The following STAG3 variants were observed in gnomAD, a reference collection of about 807,000 sequenced individuals.
STAG3 encodes STAG3 cohesin complex component.
A neutral mutation model predicts 160.7 loss-of-function variants in STAG3; 101 were observed. The observed-to-expected ratio is 0.63, with a 90% CI of 0.54 to 0.74. The LOEUF (loss-of-function observed/expected upper bound fraction) is 0.74, where lower values mean the gene tolerates loss of function less well. Ranked by LOEUF, STAG3 falls within the 30% of genes least tolerant of loss-of-function variation. The pLI, the probability that STAG3 is intolerant of heterozygous loss-of-function variation, is 0.00. For synonymous variants in STAG3, 519 were observed against 585.0 expected (o/e 0.89, Z 1.63); for missense variants, 1,188 against 1,517.4 (o/e 0.78, Z 3.61).
chr7:100,180,792 G>A (rs775591953), intron 2 of STAG3, 120 bp downstream of exon 2: 24 of 675,736 alleles, frequency 3.6e-5, no homozygotes, highest in Non-Finnish European at 5.4e-5. Flanking sequence ...TGCTATACTC[G>A]TTCAGCACAG....
chr7:100,196,215 C>G (rs1185632308), intron 9 of STAG3, among the ~76,000 whole-genome samples: 1 of 152,128 alleles, frequency 6.6e-6, no homozygotes, highest in Non-Finnish European at 1.5e-5. Flanking sequence ...AGCCTTTCAG[C>G]TGATGTAACC....
At position 100,204,017 on chromosome 7, in the gene STAG3, T is replaced by G; in HGVS notation, c.2701-4T>G. The stretch of plus-strand genomic sequence containing the variant: ...ACATTACCTTCCCCACTCTTTCCCC[T>G]CAGTTCTACAATGACTATGGTGACA... On this transcript the variant is annotated splice_region_variant and splice_polypyrimidine_tract_variant and intron_variant, in intron 25 of 33. Transcript: ENST00000615138. The G allele has an allele frequency of 6.2e-7, 1 of 1,605,150 alleles. No individual in the cohort carries two copies.
Position 100,211,950 on chromosome 7 carries a change from CCT to C in STAG3, c.3600+80_3600+81del, listed in dbSNP as rs974984628. ...GCCAAAGAGAAGCCAGGGTGTTTCCCCTCTCTCCGCTCGGTGATGCCTGGTCT... is the reference window on the plus strand; with the variant it reads ...GCCAAAGAGAAGCCAGGGTGTTTCCCCTCTCCGCTCGGTGATGCCTGGTCT... On this transcript the variant is annotated intron_variant, in intron 32 of 33. Coordinates refer to ENST00000615138, the MANE Select transcript of STAG3 (RefSeq NM_001282717.2). 38 of 1,385,774 alleles carry C rather than the reference CCT, an allele frequency of 2.7e-5. No individual in the cohort carries two copies. The Middle Eastern group carries it at 8.5e-4, about 31-fold the overall frequency. 85.8% of individuals were successfully genotyped at this position (1,385,774 alleles called of 1,614,324 possible).
chr7:100,178,247 C>T (rs114147543), intron 1 of STAG3, among the ~76,000 whole-genome samples: 1,878 of 152,298 alleles, frequency 0.012, 41 homozygotes, highest in African/African-American at 0.043. Flanking sequence ...GCCGCTTACC[C>T]CAGGGGCAGT....
intron 32 of STAG3, chr7:100,213,399 T>G: frequency 2.0e-6 from 2 of 985,448 alleles, no homozygotes; most frequent in Non-Finnish European, 2.4e-6. Context: ...CAGGGGAGTC[T>G]TGTGCTCAGA....
chr7:100,188,760 C>A, intron 6 of STAG3, 52 bp from the exon 7 acceptor site: 1 of 1,583,854 alleles, frequency 6.3e-7, no homozygotes, highest in Non-Finnish European at 8.7e-7. Context: ...GCCCCTATGA[C>A]TTCATGGACC....
At chr7:100,210,889 G>A (rs1584781580) in intron 29 of STAG3, 122 bp from the exon 30 acceptor site, 1 of 1,048,192 alleles carries the variant, frequency 9.5e-7, no homozygotes, top group Non-Finnish European at 1.4e-6. Context: ...GAATGAAGCT[G>A]TATAAGTTTT....
rs201135300 is a variant in STAG3 at position 100,211,171 on chromosome 7, G to A, written c.3399G>A (p.Leu1133=). 120 of 1,513,662 alleles carry A rather than the reference G, an allele frequency of 7.9e-5. No individual in the cohort carries two copies. The highest frequency in any genetic ancestry group is 1.0e-4 in the Non-Finnish European group (116 of 1,120,502). The allele number at this position is 1,513,662 out of a possible 1,614,324, so 93.8% of individuals were successfully genotyped here. A position where few individuals can be genotyped will look rare whatever the true frequency, so the allele number is the denominator to read the frequency against. The part of the protein sequence containing the change: ...KEMEEEDGSE[L]DFAQGSQPVA... Reference sequence around the variant, plus strand: ...TGGAGGAAGAAGATGGCTCAGAGTTGGATTTTGCCCAGGGGTGAGGCCATG... The same window carrying A: ...TGGAGGAAGAAGATGGCTCAGAGTTAGATTTTGCCCAGGGGTGAGGCCATG... The change falls in exon 30 of 34, where the codon TTG becomes TTA. Residue 1133 remains leucine, a synonymous_variant. Coordinates refer to ENST00000615138, the MANE Select transcript of STAG3 (RefSeq NM_001282717.2).
At chr7:100,210,859 A>G (rs1802125590) in intron 29 of STAG3, 152 bp from the exon 30 acceptor site, 1 of 783,730 alleles carries the variant, frequency 1.3e-6, no homozygotes, top group South Asian at 1.7e-5. Context: ...ACATAGGGCT[A>G]TGCCCATTTG....
rs958734893 is a variant in STAG3 at position 100,209,063 on chromosome 7, C to G, written c.3239-1948C>G. Among the ~76,000 whole-genome samples, 5 of 152,118 alleles carry G rather than the reference C, an allele frequency of 3.3e-5. No homozygotes were observed. The South Asian group carries it at 1.0e-3, about 32-fold the overall frequency. Reference sequence around the variant, plus strand: ...GACACTTACAAGGTGTCTCTGGGAGCAAGACAAAGAAACTATTTGATTGGT... The same window carrying G: ...GACACTTACAAGGTGTCTCTGGGAGGAAGACAAAGAAACTATTTGATTGGT... On this transcript the variant is annotated intron_variant, in intron 29 of 33. Transcript: ENST00000615138.
intron 3 of STAG3, 37 bp downstream of exon 3, chr7:100,182,229 T>G: frequency 6.7e-7 from 1 of 1,497,622 alleles, no homozygotes; most frequent in Non-Finnish European, 9.2e-7. Flanking sequence ...TTGAATCTTG[T>G]GGGGGAAGCA....
chr7:100,197,706 T>C, intron 10 of STAG3, 72 bp from the exon 11 acceptor site: 1 of 1,244,626 alleles, frequency 8.0e-7, no homozygotes, highest in Non-Finnish European at 1.2e-6. Flanking sequence ...GAGGGGAGTC[T>C]GGAGGCTTAG....
At chr7:100,212,008 G>A (rs1051976765) in intron 32 of STAG3, 132 bp downstream of exon 32, 1 of 760,716 alleles carries the variant, frequency 1.3e-6, no homozygotes, top group East Asian at 2.7e-5. Context: ...GAGTAAAGGA[G>A]GACAGGTTAT....
In STAG3 at chr7:100,202,603, C is replaced by G; in HGVS notation, c.2700+13C>G. ...ACACTACAACAAGGTACACCAAGGC[C>G]CTACAGAAATAAAAGAGAAGGGAGC... is the stretch of plus-strand genomic sequence containing the variant. On this transcript the variant is annotated intron_variant, in intron 25 of 33. Coordinates refer to ENST00000615138, the MANE Select transcript of STAG3 (RefSeq NM_001282717.2). The G allele has an allele frequency of 6.2e-7, 1 of 1,607,190 alleles. No homozygotes were observed. The highest frequency in any genetic ancestry group is 8.5e-7 in the Non-Finnish European group (1 of 1,176,564).
chr7:100,211,681 A>T, intron 31 of STAG3, 114 bp from the exon 32 acceptor site: 1 of 1,404,796 alleles, frequency 7.1e-7, no homozygotes, highest in Non-Finnish European at 9.9e-7. Context: ...CACAATCGGG[A>T]AACTACTATG....
Position 100,186,181 on chromosome 7 carries a change from C to T in STAG3, c.337-19C>T, listed in dbSNP as rs531404168. On this transcript the variant is annotated intron_variant, in intron 4 of 33. Coordinates refer to ENST00000615138, the MANE Select transcript of STAG3 (RefSeq NM_001282717.2). ...TCATATTGCCAGAAACAGAAGTCAT[C>T]TACATTTTTTTTCCCTAGTCTTTGG... 1.2e-6 allele frequency: 2 copies of T among 1,600,998 alleles called. No individual in the cohort carries two copies. The highest frequency in any genetic ancestry group is 2.2e-5 in the South Asian group (2 of 90,730).
At chr7:100,202,725 C>G in intron 25 of STAG3, 135 bp downstream of exon 25, 1 of 1,153,992 alleles carries the variant, frequency 8.7e-7, no homozygotes, top group Non-Finnish European at 1.2e-6. Context: ...GGGAAAGGCA[C>G]TGGGAGTTCA....
chr7:100,203,829 C>G (rs1355420240), intron 25 of STAG3, among the ~76,000 whole-genome samples, 192 bp from the exon 26 acceptor site: 1 of 151,974 alleles, frequency 6.6e-6, no homozygotes, highest in East Asian at 1.9e-4. Context: ...ATTTGTTTAC[C>G]GAAACTCTGA....
chr7:100,212,117 A>C, intron 32 of STAG3: 1 of 411,596 alleles, frequency 2.4e-6, no homozygotes. Flanking sequence ...CTCGCTCCCA[A>C]TCCCTAAATA....
Sources: gnomAD v4.1 joint callset for allele counts (sites outside exome capture counted in the v4.1 genomes callset) on GRCh38, gnomAD v4.1.1 for gene constraint, MANE v1.5 for transcripts, NCBI Gene and HGNC (gene_info 2026-07-23, HGNC 2026-07-21) for gene names.